PPP2R5C: variants seen among roughly 807,000 people sequenced by gnomAD.
PPP2R5C encodes the protein serine/threonine-protein phosphatase 2A 56 kDa regulatory subunit gamma isoform.
A neutral mutation model predicts 68.9 loss-of-function variants in PPP2R5C; 7 were observed. That is an observed-to-expected ratio of 0.10 (90% CI 0.06 to 0.19). The LOEUF (loss-of-function observed/expected upper bound fraction) is 0.19, where lower values mean the gene tolerates loss of function less well. Ranked by LOEUF, PPP2R5C falls within the 10% of genes least tolerant of loss-of-function variation. The pLI, the probability that PPP2R5C is intolerant of heterozygous loss-of-function variation, is 1.00. For missense variants in PPP2R5C, 348 were observed against 641.3 expected (o/e 0.54, Z 4.94); for synonymous variants, 210 against 222.2 (o/e 0.95, Z 0.49).
At chr14:101,892,954 C>T (rs777056327) in intron 6 of PPP2R5C, 46 bp from the exon 9 acceptor site, 3 of 1,375,720 alleles carry the variant, frequency 2.2e-6, no homozygotes, top group South Asian at 1.2e-5. Flanking sequence ...TTGTTTAAAA[C>T]CTGGAATTCG....
chr14:101,819,006 A>G (rs2039882497), intron 1 of PPP2R5C: 1 of 1,550,612 alleles, frequency 6.4e-7, no homozygotes, highest in Non-Finnish European at 8.7e-7. Context: ...CAAGTCCTGA[A>G]GAACCCTCAA....
At chr14:101,821,348 C>T (rs907577213) in intron 1 of PPP2R5C, among the ~76,000 whole-genome samples, 23 of 150,568 alleles carry the variant, frequency 1.5e-4, no homozygotes, top group Non-Finnish European at 1.6e-4. Flanking sequence ...CTAACCTTAT[C>T]CCCTGAGATT....
chr14:101,803,875 G>A (rs61994036), intron 3 of PPP2R5C, among the ~76,000 whole-genome samples: 20,242 of 152,068 alleles, frequency 0.13, 1,480 homozygotes, highest in Admixed American at 0.19. Context: ...GGACAAATGG[G>A]ATCACATCAG....
intron 2 of PPP2R5C, among the ~76,000 whole-genome samples, chr14:101,764,471 G>C (rs1440033414): frequency 3.3e-5 from 5 of 152,210 alleles, no homozygotes; most frequent in African/African-American, 4.8e-5. Flanking sequence ...AACTGGCGAT[G>C]ATCTGCAGTG....
At chr14:101,876,775 G>A (rs970704353) in intron 2 of PPP2R5C, among the ~76,000 whole-genome samples, 2 of 152,166 alleles carry the variant, frequency 1.3e-5, no homozygotes, top group East Asian at 3.8e-4. Context: ...ACTCACGTGC[G>A]TGCCATTATT....
chr14:101,777,616 C>G (rs1316099538), intron 2 of PPP2R5C, among the ~76,000 whole-genome samples: 1 of 152,188 alleles, frequency 6.6e-6, no homozygotes, highest in Non-Finnish European at 1.5e-5. Flanking sequence ...TCCCAAGGTG[C>G]TGGGATTACA....
At chr14:101,927,000 T>G (rs558202306) in exon 14 of PPP2R5C, 5 of 152,270 alleles carry the variant, frequency 3.3e-5, no homozygotes, top group Admixed American at 2.6e-4. Context: ...ATGAAAACTA[T>G]CATTAAAAAA....
At position 101,920,405 on chromosome 14, in the gene PPP2R5C, T is replaced by G. The variant is rs115040116; in HGVS notation, c.1443+2458T>G. 4.1e-3 allele frequency among the ~76,000 whole-genome samples: 621 copies of G among 152,352 alleles called. 4 individuals are homozygous for G. The highest frequency in any genetic ancestry group is 0.014 in the African/African-American group (601 of 41,576). ...TAAATACACACACAGGCAGGACAGTTCTTGGAGAACTCCTGTAGCATGTCT... is the reference window on the plus strand; with the variant it reads ...TAAATACACACACAGGCAGGACAGTGCTTGGAGAACTCCTGTAGCATGTCT... On this transcript the variant is annotated intron_variant, in intron 13 of 13. Coordinates refer to ENST00000334743, the Ensembl canonical transcript of PPP2R5C.
At chr14:101,908,573 C>T (rs1381899195) in intron 10 of PPP2R5C, among the ~76,000 whole-genome samples, 3 of 151,942 alleles carry the variant, frequency 2.0e-5, no homozygotes, top group Non-Finnish European at 4.4e-5. Flanking sequence ...GGGGTTTCAC[C>T]ATGTTGGCCA....
At chr14:101,838,667 GC>G (rs1013127107) in intron 1 of PPP2R5C, among the ~76,000 whole-genome samples, 1 of 152,258 alleles carries the variant, frequency 6.6e-6, no homozygotes, top group Non-Finnish European at 1.5e-5. Context: ...GAAAGGAGGA[GC>G]CCCAGGGAAG....
upstream of PPP2R5C, chr14:101,760,667 G>T: frequency 1.0e-6 from 1 of 954,716 alleles, no homozygotes; most frequent in Non-Finnish European, 1.2e-6. Context: ...GACCAACCAG[G>T]GAGGGGCGGG....
chr14:101,819,047 A>T, intron 1 of PPP2R5C: 1 of 1,551,456 alleles, frequency 6.4e-7, no homozygotes, highest in Non-Finnish European at 8.7e-7. Flanking sequence ...CTTCTTCCTG[A>T]GTTGCTGGTT....
At chr14:101,851,925 T>TG (rs2042176757) in intron 1 of PPP2R5C, among the ~76,000 whole-genome samples, 1 of 152,188 alleles carries the variant, frequency 6.6e-6, no homozygotes, top group Admixed American at 6.5e-5. Context: ...TGGCTAAGCA[T>TG]GTATGTCACA....
At chr14:101,867,033 G>C (rs562079128) in intron 2 of PPP2R5C, among the ~76,000 whole-genome samples, 1 of 152,094 alleles carries the variant, frequency 6.6e-6, no homozygotes, top group Non-Finnish European at 1.5e-5. Context: ...CCTGGCCAAC[G>C]TGGTGGAACC....
chr14:101,768,408 C>G (rs1430007623), intron 2 of PPP2R5C, among the ~76,000 whole-genome samples: 3 of 152,090 alleles, frequency 2.0e-5, no homozygotes, highest in Non-Finnish European at 2.9e-5. Context: ...TATCTATCTA[C>G]CGATATTTTT....
At chr14:101,785,949 T>C (rs2038071325) in intron 2 of PPP2R5C, 69 bp from the exon 3 acceptor site, 12 of 1,364,770 alleles carry the variant, frequency 8.8e-6, no homozygotes, top group Non-Finnish European at 1.2e-5. Context: ...TATGTTTTTC[T>C]ATATTTTAAT....
chr14:101,761,616 C>A (rs889153205), upstream of PPP2R5C, among the ~76,000 whole-genome samples: 1 of 53,490 alleles, frequency 1.9e-5, no homozygotes, highest in Non-Finnish European at 3.5e-5. Context: ...CGGGGCGGGG[C>A]GGCCGGCCGG....
At chr14:101,852,257 G>A (rs2140520528) in intron 1 of PPP2R5C, among the ~76,000 whole-genome samples, 1 of 152,154 alleles carries the variant, frequency 6.6e-6, no homozygotes, top group East Asian at 1.9e-4. Context: ...AGATATCACT[G>A]ACCAGTGAAA....
upstream of PPP2R5C, chr14:101,809,750 C>G (rs1566856307): frequency 8.2e-7 from 1 of 1,218,052 alleles, no homozygotes; most frequent in Non-Finnish European, 1.1e-6. Context: ...ACGCTCTTTC[C>G]GTTTGCAGTT....
Sources: allele counts gnomAD v4.1 joint callset (sites outside exome capture counted in the v4.1 genomes callset), GRCh38; gene constraint gnomAD v4.1.1; transcripts MANE v1.5; gene names NCBI Gene and HGNC (gene_info 2026-07-23, HGNC 2026-07-21).